PTPRD: variants seen among roughly 807,000 people sequenced by gnomAD.
The protein encoded by PTPRD is receptor-type tyrosine-protein phosphatase delta.
Under a neutral mutation model 214.5 loss-of-function variants are expected in PTPRD, and 34 were observed. That is an observed-to-expected ratio of 0.16 (90% CI 0.12 to 0.21). PTPRD has a LOEUF of 0.21. Among genes scored for constraint, PTPRD ranks in the 10% least tolerant of loss-of-function variants. The pLI, the probability that PTPRD is intolerant of heterozygous loss-of-function variation, is 1.00. For synonymous variants in PTPRD, 1,128 were observed against 845.7 expected (o/e 1.33, Z -5.79); for missense variants, 2,545 against 2,398.7 (o/e 1.06, Z -1.27).
intron 3 of PTPRD, among the ~76,000 whole-genome samples, chr9:10,152,007 C>T (rs757531449): frequency 1.2e-4 from 18 of 152,056 alleles, no homozygotes; most frequent in East Asian, 7.7e-4. Context: ...TAAACACCTA[C>T]GTATAGGTTT....
intron 9 of PTPRD, among the ~76,000 whole-genome samples, chr9:9,331,250 TG>T (rs765066117): frequency 3.9e-5 from 6 of 152,130 alleles, no homozygotes; most frequent in Admixed American, 6.6e-5. Flanking sequence ...GGGTTAGGTT[TG>T]CTACTATCTC....
At chr9:9,947,445 T>TA (rs1566619288) in intron 4 of PTPRD, among the ~76,000 whole-genome samples, 1 of 27,488 alleles carries the variant, frequency 3.6e-5, no homozygotes, top group Non-Finnish European at 4.8e-5. Context: ...ATTATATATT[T>TA]TATATATTTT....
In PTPRD at chr9:9,994,575, T is replaced by C. The variant is rs147246048; in HGVS notation, c.-472+39143A>G. ...TTAAAGGACAAAGAACAGTGTCCTT[T>C]GTCAAAAAGAACAAAACCTAAAAGC... On this transcript the variant is annotated intron_variant, in intron 4 of 45. Transcript: ENST00000381196. Among the ~76,000 whole-genome samples, 458 of 152,104 alleles carry C rather than the reference T, an allele frequency of 3.0e-3. 2 individuals carry two copies. The highest frequency in any genetic ancestry group is 0.01 in the African/African-American group (428 of 41,510).
At chr9:9,577,370 C>G (rs2089239177) in intron 7 of PTPRD, among the ~76,000 whole-genome samples, 1 of 151,948 alleles carries the variant, frequency 6.6e-6, no homozygotes, top group South Asian at 2.1e-4. Flanking sequence ...TTGAGACCAG[C>G]CTCGGCAACA....
chr9:8,463,255 C>T (rs1043617282), intron 32 of PTPRD, among the ~76,000 whole-genome samples: 6 of 118,844 alleles, frequency 5.0e-5, no homozygotes, highest in African/African-American at 2.0e-4. Flanking sequence ...TTTTCTAACG[C>T]ATTACAAGAA....
chr9:8,842,422 A>T (rs1471267720), intron 11 of PTPRD, among the ~76,000 whole-genome samples: 1 of 152,218 alleles, frequency 6.6e-6, no homozygotes, highest in African/African-American at 2.4e-5. Context: ...TAGGGTATAC[A>T]AGGGTAACAT....
chr9:9,345,210 A>C (rs2048344314), intron 9 of PTPRD, among the ~76,000 whole-genome samples: 1 of 152,188 alleles, frequency 6.6e-6, no homozygotes, highest in African/African-American at 2.4e-5. Flanking sequence ...CCTTACTGAT[A>C]ATTACTTGCA....
At chr9:8,932,129 T>C (rs1007095642) in intron 11 of PTPRD, among the ~76,000 whole-genome samples, 2 of 152,214 alleles carry the variant, frequency 1.3e-5, no homozygotes, top group African/African-American at 4.8e-5. Context: ...TCGTTGATTT[T>C]TTGAAGGGTT....
chr9:9,772,952 T>C (rs1433619034), intron 5 of PTPRD, among the ~76,000 whole-genome samples: 1 of 152,190 alleles, frequency 6.6e-6, no homozygotes, highest in Non-Finnish European at 1.5e-5. Flanking sequence ...TTTATGCTAG[T>C]CCCCTTCTTT....
chr9:8,950,860 C>A (rs922612122), intron 11 of PTPRD, among the ~76,000 whole-genome samples: 2 of 152,026 alleles, frequency 1.3e-5, no homozygotes, highest in African/African-American at 4.8e-5. Context: ...GGTCTACCTA[C>A]TCTACTTGTT....
chr9:9,157,706 T>A (rs987544825), intron 10 of PTPRD, among the ~76,000 whole-genome samples: 1 of 151,744 alleles, frequency 6.6e-6, no homozygotes, highest in Non-Finnish European at 1.5e-5. Flanking sequence ...TTCCCTTTTC[T>A]TTTTTTTTCT....
At chr9:9,001,827 T>C (rs568227258) in intron 11 of PTPRD, among the ~76,000 whole-genome samples, 71 of 152,166 alleles carry the variant, frequency 4.7e-4, no homozygotes, top group African/African-American at 1.6e-3. Flanking sequence ...GCTCATGCCA[T>C]CCTAAATAAA....
At chr9:8,965,681 A>T (rs1341349279) in intron 11 of PTPRD, among the ~76,000 whole-genome samples, 2 of 152,144 alleles carry the variant, frequency 1.3e-5, no homozygotes, top group Non-Finnish European at 2.9e-5. Context: ...AGTTAACATT[A>T]TACCAAATGG....
intron 8 of PTPRD, among the ~76,000 whole-genome samples, chr9:9,398,650 AT>A: frequency 6.6e-6 from 1 of 152,164 alleles, no homozygotes; most frequent in South Asian, 2.1e-4. Context: ...TTGATAAATG[AT>A]TTTTAGAAAA....
intron 2 of PTPRD, among the ~76,000 whole-genome samples, chr9:10,455,182 C>T (rs572242720): frequency 6.6e-6 from 1 of 151,754 alleles, no homozygotes; most frequent in East Asian, 1.9e-4. Flanking sequence ...TTTTTTCAGC[C>T]TCCTCTGGAG....
At chr9:8,520,968 C>A (rs573364305) in intron 20 of PTPRD, among the ~76,000 whole-genome samples, 1 of 151,992 alleles carries the variant, frequency 6.6e-6, no homozygotes, top group African/African-American at 2.4e-5. Context: ...CTGTACACAT[C>A]AGTCCCACCA....
chr9:10,289,990 G>A (rs774153355), intron 3 of PTPRD, among the ~76,000 whole-genome samples: 5 of 152,046 alleles, frequency 3.3e-5, no homozygotes, highest in African/African-American at 1.2e-4. Flanking sequence ...TTAAAAGTTG[G>A]CATTTTGGTC....
intron 9 of PTPRD, among the ~76,000 whole-genome samples, chr9:9,207,673 T>C (rs1255197746): frequency 6.6e-6 from 1 of 152,186 alleles, no homozygotes; most frequent in Non-Finnish European, 1.5e-5. Context: ...AAATGTGCAT[T>C]TACCCTTTGA....
intron 8 of PTPRD, among the ~76,000 whole-genome samples, chr9:9,507,892 G>C (rs1042413531): frequency 6.6e-6 from 1 of 151,370 alleles, no homozygotes; most frequent in Non-Finnish European, 1.5e-5. Flanking sequence ...TGTCATTCGT[G>C]TCTTGGGTAG....
Sources: allele counts gnomAD v4.1 joint callset (sites outside exome capture counted in the v4.1 genomes callset), GRCh38; gene constraint gnomAD v4.1.1; transcripts MANE v1.5; gene names NCBI Gene and HGNC (gene_info 2026-07-23, HGNC 2026-07-21).